GTF2A1: variants seen among roughly 807,000 people sequenced by gnomAD.
GTF2A1 encodes the protein general transcription factor IIA subunit 1.
A neutral mutation model predicts 54.1 loss-of-function variants in GTF2A1; 12 were observed. The observed-to-expected ratio is 0.22, with a 90% CI of 0.14 to 0.36. The LOEUF (loss-of-function observed/expected upper bound fraction) is 0.36. Ranked by LOEUF, GTF2A1 falls within the 10% of genes least tolerant of loss-of-function variation. The pLI is 1.00. For missense variants in GTF2A1, 335 were observed against 442.2 expected, an observed-to-expected ratio of 0.76 and a Z score of 2.17; for synonymous variants, 145 against 152.0, an observed-to-expected ratio of 0.95 and a Z score of 0.34.
At chr14:81,184,561 T>C (rs978928735) in intron 8 of GTF2A1, among the ~76,000 whole-genome samples, 4 of 152,164 alleles carry the variant, frequency 2.6e-5, no homozygotes, top group East Asian at 1.9e-4. Flanking sequence ...ATAAGATCCA[T>C]AGTGTTGGCA....
intron 2 of GTF2A1, among the ~76,000 whole-genome samples, chr14:81,211,547 TC>T (rs1291304510): frequency 6.6e-6 from 1 of 151,964 alleles, no homozygotes; most frequent in Non-Finnish European, 1.5e-5. Context: ...CCCAAGTTAA[TC>T]CCCTTATCAC....
chr14:81,207,384 G>C (rs745772350), intron 2 of GTF2A1, among the ~76,000 whole-genome samples: 1 of 152,050 alleles, frequency 6.6e-6, no homozygotes, highest in African/African-American at 2.4e-5. Flanking sequence ...CTGCCAACAC[G>C]TAAGAAGAGC....
chr14:81,202,442 A>C (rs954258275), intron 3 of GTF2A1, among the ~76,000 whole-genome samples: 1 of 152,126 alleles, frequency 6.6e-6, no homozygotes, highest in South Asian at 2.1e-4. Context: ...AAAAAATACA[A>C]ATCAGCCGGG....
intron 2 of GTF2A1, among the ~76,000 whole-genome samples, chr14:81,205,554 ATAT>A (rs1268729254): frequency 7.2e-5 from 11 of 152,198 alleles, no homozygotes; most frequent in African/African-American, 2.7e-4. Context: ...TGATCAAAAT[ATAT>A]TATTATTGGT....
intron 7 of GTF2A1, among the ~76,000 whole-genome samples, chr14:81,189,112 G>A (rs1455271268): frequency 1.3e-5 from 2 of 152,036 alleles, no homozygotes; most frequent in African/African-American, 4.8e-5. Flanking sequence ...AGCTGTACCA[G>A]GCAAATTCTA....
At chr14:81,205,245 G>C (rs1893203931) in intron 2 of GTF2A1, among the ~76,000 whole-genome samples, 1 of 152,064 alleles carries the variant, frequency 6.6e-6, no homozygotes, top group South Asian at 2.1e-4. Context: ...ATAGGCGTGA[G>C]CCACCATGCC....
At chr14:81,202,683 G>A (rs373845825) in intron 3 of GTF2A1, 37 of 517,706 alleles carry the variant, frequency 7.1e-5, no homozygotes, top group African/African-American at 4.2e-4. Flanking sequence ...TTACTTAAGC[G>A]TAAAAGGAAT....
In GTF2A1 at chr14:81,185,524, TC is replaced by T; in HGVS notation, c.1023+6del. 1.4e-6 allele frequency: 2 copies of T among 1,423,272 alleles called. No homozygotes were observed. The highest frequency in any genetic ancestry group is 2.0e-6 in the Non-Finnish European group (2 of 1,006,368). The allele number at this position is 1,423,272 out of a possible 1,614,324, so 88.2% of individuals were successfully genotyped here. A position where few individuals can be genotyped will look rare whatever the true frequency, so the allele number is the denominator to read the frequency against. ...TAACGTCAGTAATCTGAAGATGACA[TC>T]CTTACCTTATCATATTGGCATACAA... On this transcript the variant is annotated splice_donor_region_variant and intron_variant, in intron 8 of 8. Transcript: ENST00000553612.
rs114887466 is a variant in GTF2A1, at chr14:81,212,588, T to A, written c.132+3825A>T. The stretch of plus-strand genomic sequence containing the variant: ...TCAATCTAATTCACCACTGCCTCCT[T>A]TACAGCCTTATACAAGCTTTTGATA... On this transcript the variant is annotated intron_variant, in intron 2 of 8. Coordinates refer to ENST00000553612, the MANE Select transcript of GTF2A1 (RefSeq NM_015859.4). Among the ~76,000 whole-genome samples the A allele has an allele frequency of 6.4e-3, 970 of 152,316 alleles. 11 individuals carry two copies. Among genetic ancestry groups the A allele is most frequent in the African/African-American group, 0.023 (936 of 41,558 alleles).
At chr14:81,219,248 G>A (rs1422362133) in intron 1 of GTF2A1, among the ~76,000 whole-genome samples, 3 of 152,172 alleles carry the variant, frequency 2.0e-5, no homozygotes, top group Admixed American at 2.0e-4. Context: ...AAAGCAGCCC[G>A]CGACGGGTGC....
Position 81,179,039 on chromosome 14 carries a change from G to A in GTF2A1, c.*1184C>T, listed in dbSNP as rs1337052038. ...TCCCAATGTGCAAACTGGAGCCAACGTCTTTATTTTCAATGGCCTGGAAGG... is the reference window on the plus strand; with the variant it reads ...TCCCAATGTGCAAACTGGAGCCAACATCTTTATTTTCAATGGCCTGGAAGG... On this transcript the variant is annotated 3_prime_UTR_variant, in exon 9 of 9. Transcript: ENST00000553612. 6.6e-6 allele frequency: 1 copy of A among 152,124 alleles called. No individual in the cohort carries two copies. Among genetic ancestry groups the A allele is most frequent in the Admixed American group, 6.5e-5 (1 of 15,280 alleles). The allele number at this position is 152,124 out of a possible 1,614,324, so 9.4% of individuals were successfully genotyped here.
Position 81,176,795 on chromosome 14 carries a change from G to A in GTF2A1, c.*3428C>T, listed in dbSNP as rs1176386833. 1 of 151,924 alleles carries A rather than the reference G, an allele frequency of 6.6e-6. No homozygotes were observed. Among genetic ancestry groups the A allele is most frequent in the African/African-American group, 2.4e-5 (1 of 41,356 alleles). 9.4% of individuals were successfully genotyped at this position (151,924 alleles called of 1,614,324 possible). On this transcript the variant is annotated 3_prime_UTR_variant, in exon 9 of 9. Coordinates refer to ENST00000553612, the MANE Select transcript of GTF2A1 (RefSeq NM_015859.4). ...ATGAAATAAAATGAAAATGTACAAA[G>A]ATGGATCAACAAACTATTACATTGC...
intron 3 of GTF2A1, 87 bp from the exon 4 acceptor site, chr14:81,201,745 TTTTTTCATG>T (rs1479942028): frequency 6.0e-6 from 5 of 838,482 alleles, no homozygotes; most frequent in Admixed American, 4.0e-5. Flanking sequence ...TGATGAAAAC[TTTTTTCATG>T]TTTTTCATGT....
chr14:81,208,418 C>G (rs1172168678), intron 2 of GTF2A1, among the ~76,000 whole-genome samples: 2 of 152,216 alleles, frequency 1.3e-5, no homozygotes, highest in Non-Finnish European at 2.9e-5. Context: ...CGCCTGGATG[C>G]CCAAGCAAAA....
intron 1 of GTF2A1, 92 bp from the exon 2 acceptor site, chr14:81,216,606 T>C: frequency 4.8e-6 from 3 of 630,472 alleles, no homozygotes. Context: ...GAATAGTCAT[T>C]TTGCCAACTA....
chr14:81,200,433 T>G (rs1225173735), intron 4 of GTF2A1, among the ~76,000 whole-genome samples: 1 of 152,076 alleles, frequency 6.6e-6, no homozygotes, highest in East Asian at 1.9e-4. Flanking sequence ...GCGACCAGCC[T>G]GGCCAACATG....
intron 2 of GTF2A1, among the ~76,000 whole-genome samples, chr14:81,212,282 T>C (rs1401361370): frequency 6.6e-6 from 1 of 152,176 alleles, no homozygotes; most frequent in Non-Finnish European, 1.5e-5. Context: ...AGAAATCAGG[T>C]TGATTTTATC....
Position 81,197,435 on chromosome 14 carries a change from G to C in GTF2A1, c.452C>G (p.Pro151Arg), listed in dbSNP as rs1893015029. 1 of 1,581,976 alleles carries C rather than the reference G, an allele frequency of 6.3e-7. No individual in the cohort carries two copies. Among genetic ancestry groups the C allele is most frequent in the Non-Finnish European group, 8.7e-7 (1 of 1,155,386 alleles). The change falls in exon 5 of 9, where the codon CCT (proline) becomes CGT (arginine). Residue 151 changes from proline to arginine, a missense_variant. Transcript: ENST00000553612. ...TGAATTTGTTAATATCTGCTGAACAGGAGTCACACCTGCAGGGAGTGCTAA... is the reference window on the plus strand; with the variant it reads ...TGAATTTGTTAATATCTGCTGAACACGAGTCACACCTGCAGGGAGTGCTAA... ...ATLALPAGVTPVQQILTNSGQ... is the reference protein window; with the variant it reads ...ATLALPAGVTRVQQILTNSGQ...
chr14:81,220,115 A>G (rs2140048156), intron 1 of GTF2A1, among the ~76,000 whole-genome samples: 1 of 151,680 alleles, frequency 6.6e-6, no homozygotes, highest in African/African-American at 2.4e-5. Context: ...AGCCCTCGTC[A>G]AGCCAGCGCG....
Sources: allele counts gnomAD v4.1 joint callset (sites outside exome capture counted in the v4.1 genomes callset), GRCh38; gene constraint gnomAD v4.1.1; transcripts MANE v1.5; gene names NCBI Gene and HGNC (gene_info 2026-07-23, HGNC 2026-07-21).